The following ERMAP variants were observed in gnomAD, a reference collection of about 807,000 sequenced individuals.
ERMAP encodes the protein erythroblast membrane associated protein (Scianna blood group), also known as erythroid membrane-associated protein.
ERMAP carries 34 observed loss-of-function variants against 49.5 expected under a neutral mutation model. That is an observed-to-expected ratio of 0.69 (90% confidence interval 0.52 to 0.91). The LOEUF is 0.91. Among genes scored for constraint, ERMAP ranks in the 40% least tolerant of loss-of-function variants. ERMAP has a pLI of 0.00. For missense variants in ERMAP, 541 were observed against 582.6 expected, an observed-to-expected ratio of 0.93 and a Z score of 0.74; for synonymous variants, 214 against 232.2, an observed-to-expected ratio of 0.92 and a Z score of 0.71.
At chr1:42,835,655 G>A (rs1332740687) in intron 5 of ERMAP, 77 bp from the exon 6 acceptor site, 19 of 1,588,828 alleles carry the variant, frequency 1.2e-5, no homozygotes, top group South Asian at 9.1e-5. Context: ...TCAGGCAGCT[G>A]GGGGCATCTT....
At chr1:42,832,179 A>ATTTTTTTTT (rs75673269) in intron 4 of ERMAP, among the ~76,000 whole-genome samples, 15 of 96,760 alleles carry the variant, frequency 1.6e-4, no homozygotes, top group African/African-American at 6.2e-4. Flanking sequence ...GTGAAAATTA[A>ATTTTTTTTT]TTTTTTTTTT....
rs1376218154 is a variant in ERMAP at position 42,843,680 on chromosome 1, C to G, written c.*448C>G. 1.1e-5 allele frequency: 2 copies of G among 188,610 alleles called. No individual in the cohort carries two copies. Among genetic ancestry groups the G allele is most frequent in the Admixed American group, 6.2e-5 (1 of 16,140 alleles). 11.7% of individuals were successfully genotyped at this position (188,610 alleles called of 1,614,324 possible). A position where few individuals can be genotyped will look rare whatever the true frequency, so the allele number is the denominator to read the frequency against. On this transcript the variant is annotated 3_prime_UTR_variant, in exon 12 of 12. Transcript: ENST00000372517. Reference sequence around the variant, plus strand: ...TTCTCTCTCTCAGTTCTGGCCTCTGCCCCCCAAAGTCAGCTCTCTAAAAGC... The same window carrying G: ...TTCTCTCTCTCAGTTCTGGCCTCTGGCCCCCAAAGTCAGCTCTCTAAAAGC...
rs145113385 is a variant in ERMAP, at chr1:42,819,170, C to CGTGTGTGTGTGT, written c.-122+1943_-122+1954dup. Among the ~76,000 whole-genome samples the CGTGTGTGTGTGT allele has an allele frequency of 2.0e-4, 29 of 142,554 alleles. No homozygotes were observed. The East Asian group carries it at 2.4e-3, about 12-fold the overall frequency. 93.5% of individuals were successfully genotyped at this position (142,554 alleles called of 152,430 possible). The stretch of plus-strand genomic sequence containing the variant: ...GGTGAGGAAGAGGATAAGTTAGGAG[C>CGTGTGTGTGTGT]GTGTGTGTGTGTGTGTGTGTGTGTG... On this transcript the variant is annotated intron_variant, in intron 1 of 11. Transcript: ENST00000372517. The surrounding 1 kb of genome is among the most constrained non-coding windows in gnomAD (Gnocchi z 5.1).
At chr1:42,825,761 A>G (rs1004043853) in intron 2 of ERMAP, 23 bp downstream of exon 2, 2 of 1,289,242 alleles carry the variant, frequency 1.6e-6, no homozygotes, top group African/African-American at 1.5e-5. Flanking sequence ...CTCTCTCTTC[A>G]TGCTTTTTAG....
chr1:42,822,013 TAAA>T (rs534622784), intron 1 of ERMAP, among the ~76,000 whole-genome samples: 1 of 115,962 alleles, frequency 8.6e-6, no homozygotes, highest in Non-Finnish European at 1.8e-5. Context: ...ACCCTAGCTC[TAAA>T]AAAAAAAAAA....
In ERMAP at chr1:42,842,500, T is replaced by A. The variant is rs1655084728; in HGVS notation, c.713-17T>A. On this transcript the variant is annotated splice_polypyrimidine_tract_variant and intron_variant, in intron 11 of 11. Transcript: ENST00000372517. The stretch of plus-strand genomic sequence containing the variant: ...GACCTATACTTCCAAGCCTCACCTG[T>A]CTGTGTCTCTTTGCAGTGGCAGTGA... 6.2e-7 allele frequency: 1 copy of A among 1,602,750 alleles called. No homozygotes were observed. Among genetic ancestry groups the A allele is most frequent in the East Asian group, 2.2e-5 (1 of 44,808 alleles).
chr1:42,842,389 G>A, intron 11 of ERMAP, 128 bp from the exon 12 acceptor site: 1 of 751,668 alleles, frequency 1.3e-6, no homozygotes, highest in Non-Finnish European at 2.1e-6. Context: ...GGTGGGGGCG[G>A]GAATCCATGA....
chr1:42,825,729 C>G lies in ERMAP; in HGVS notation c.-15C>G, dbSNP rs975885613. 3 of 1,289,392 alleles carry G rather than the reference C, an allele frequency of 2.3e-6. No homozygotes were observed. Among genetic ancestry groups the G allele is most frequent in the Non-Finnish European group, 2.0e-6 (2 of 988,874 alleles). 79.9% of individuals were successfully genotyped at this position (1,289,392 alleles called of 1,614,324 possible). ...TGTGAGAGGAACAAGCGTCCCTGATCCAGAAGGTGGTGAGTCCTCCTCTCT... is the reference window on the plus strand; with the variant it reads ...TGTGAGAGGAACAAGCGTCCCTGATGCAGAAGGTGGTGAGTCCTCCTCTCT... On this transcript the variant is annotated 5_prime_UTR_variant, in exon 2 of 12. The change creates a new upstream start codon in the 5' untranslated region. Coordinates refer to ENST00000372517, the MANE Select transcript of ERMAP (RefSeq NM_001017922.2).
rs34544191 is a variant in ERMAP at position 42,836,720 on chromosome 1, G to A, written c.584-438G>A. 3.4e-3 allele frequency among the ~76,000 whole-genome samples: 518 copies of A among 152,104 alleles called. 3 individuals are homozygous for A. Among genetic ancestry groups the A allele is most frequent in the African/African-American group, 0.012 (487 of 41,462 alleles). ...AAAATACAAAAATTAGTGGAGCATG[G>A]TGGTGCGTGCCTGTAATCCCAGCTA... is the stretch of plus-strand genomic sequence containing the variant. On this transcript the variant is annotated intron_variant, in intron 6 of 11. Transcript: ENST00000372517.
chr1:42,830,867 A>T lies in ERMAP; in HGVS notation c.185A>T (p.Glu62Val), dbSNP rs200211952. 3.1e-6 allele frequency: 5 copies of T among 1,612,330 alleles called. No individual in the cohort carries two copies. The East Asian group carries it at 1.1e-4, about 36-fold the overall frequency. The change falls in exon 4 of 12, where the codon GAG (glutamate) becomes GTG (valine). Residue 62 changes from glutamate to valine, a missense_variant. Coordinates refer to ENST00000372517, the MANE Select transcript of ERMAP (RefSeq NM_001017922.2). ...LSLWPGTVPK[E>V]VRWLRSPFPQ... ...CTCTGGCCCGGGACGGTACCCAAGG[A>T]GGTGAGGTGGCTGCGGTCCCCATTC... is the stretch of plus-strand genomic sequence containing the variant.
intron 4 of ERMAP, among the ~76,000 whole-genome samples, chr1:42,834,363 AGGT>A (rs1359259271): frequency 6.6e-6 from 1 of 152,176 alleles, no homozygotes; most frequent in East Asian, 1.9e-4. Context: ...GTAAACAGGC[AGGT>A]GCTCCTGGGA....
chr1:42,840,122 A>T, intron 9 of ERMAP, 30 bp from the exon 10 acceptor site: 1 of 1,614,208 alleles, frequency 6.2e-7, no homozygotes, highest in Non-Finnish European at 8.5e-7. Flanking sequence ...TTGCAGTGAT[A>T]GCTCATTCCC....
At chr1:42,830,353 C>A in intron 2 of ERMAP, 91 bp from the exon 3 acceptor site, 2 of 1,101,728 alleles carry the variant, frequency 1.8e-6, no homozygotes, top group Non-Finnish European at 2.8e-6. Context: ...AGAGCACCAG[C>A]AATACCGTCT....
At chr1:42,840,331 G>C (rs1655020953) in intron 11 of ERMAP, 35 bp downstream of exon 11, 1 of 1,613,478 alleles carries the variant, frequency 6.2e-7, no homozygotes, top group East Asian at 2.2e-5. Context: ...CCATATCTCA[G>C]AGCACTTCCT....
chr1:42,834,944 G>C (rs1364153416), intron 4 of ERMAP, 94 bp from the exon 5 acceptor site: 2 of 746,464 alleles, frequency 2.7e-6, no homozygotes, highest in Non-Finnish European at 5.0e-6. Flanking sequence ...GTGATGGAGA[G>C]TGTTGGGATG....
intron 1 of ERMAP, among the ~76,000 whole-genome samples, chr1:42,818,661 G>A (rs539404677): frequency 6.6e-6 from 1 of 152,156 alleles, no homozygotes; most frequent in African/African-American, 2.4e-5. Flanking sequence ...TGTAGAGATG[G>A]AGTCTCACTG....
At chr1:42,828,589 A>G (rs1234039800) in intron 2 of ERMAP, among the ~76,000 whole-genome samples, 1 of 151,508 alleles carries the variant, frequency 6.6e-6, no homozygotes, top group African/African-American at 2.4e-5. Flanking sequence ...TCAACCTCCC[A>G]GGCTCAAGAA....
intron 8 of ERMAP, 142 bp downstream of exon 8, chr1:42,839,063 C>A: frequency 8.4e-7 from 1 of 1,196,398 alleles, no homozygotes; most frequent in Non-Finnish European, 1.2e-6. Flanking sequence ...TTTCTTGGCT[C>A]TCAAAGGCCT....
At chr1:42,830,406 A>G (rs1038487985) in intron 2 of ERMAP, 38 bp from the exon 3 acceptor site, 5 of 1,594,072 alleles carry the variant, frequency 3.1e-6, no homozygotes, top group Non-Finnish European at 4.3e-6. Flanking sequence ...CGCCAAGCCC[A>G]TCAGCCCGCT....
Sources: allele counts gnomAD v4.1 joint callset (sites outside exome capture counted in the v4.1 genomes callset), GRCh38; gene constraint gnomAD v4.1.1; non-coding constraint Gnocchi (gnomAD v3.1); transcripts MANE v1.5; gene names NCBI Gene and HGNC (gene_info 2026-07-23, HGNC 2026-07-21).